Variants in NLRP7 observed in about 807,000 individuals in gnomAD.
The protein encoded by NLRP7 is NACHT, LRR and PYD domains-containing protein 7.
A neutral mutation model predicts 85.5 loss-of-function variants in NLRP7; 72 were observed. The observed-to-expected ratio is 0.84, with a 90% CI of 0.70 to 1.02. The LOEUF (loss-of-function observed/expected upper bound fraction) is 1.02, where lower values mean the gene tolerates loss of function less well. Among genes scored for constraint, NLRP7 ranks in the 50% least tolerant of loss-of-function variants. The pLI, the probability that NLRP7 is intolerant of heterozygous loss-of-function variation, is 0.00. For synonymous variants in NLRP7, 550 were observed against 505.2 expected (o/e 1.09, Z -1.19); for missense variants, 1,243 against 1,219.5 (o/e 1.02, Z -0.29).
chr19:54,961,043 T>A (rs2146286963), intron 1 of NLRP7, among the ~76,000 whole-genome samples: 1 of 152,150 alleles, frequency 6.6e-6, no homozygotes. Flanking sequence ...TTTGTTGCAC[T>A]GATGGAAATT....
At chr19:54,941,914 G>A (rs956748510) in intron 1 of NLRP7, among the ~76,000 whole-genome samples, 164 bp from the exon 2 acceptor site, 1 of 152,108 alleles carries the variant, frequency 6.6e-6, no homozygotes, top group African/African-American at 2.4e-5. Flanking sequence ...GGTGGCTCAC[G>A]CCTGCGGCCA....
At chr19:54,924,539 A>G (rs2068352675) in intron 9 of NLRP7, among the ~76,000 whole-genome samples, 1 of 152,116 alleles carries the variant, frequency 6.6e-6, no homozygotes, top group Non-Finnish European at 1.5e-5. Context: ...CAAGAGGATC[A>G]CTTGAGCCCA....
Position 54,930,557 on chromosome 19 carries a change from C to A in NLRP7, c.2752G>T (p.Gly918Ter). The A allele has an allele frequency of 1.9e-6, 3 of 1,612,792 alleles. No homozygotes were observed. In the South Asian group the frequency reaches 3.3e-5, roughly 18 times the overall value. The change falls in exon 9 of 10, where the codon GGA (glycine) becomes TGA (stop). Residue 918 changes from glycine to a stop codon, truncating the protein, a stop_gained. Coordinates refer to ENST00000340844, the Ensembl canonical transcript of NLRP7. LOFTEE classifies it high-confidence loss of function. ...AATGCCTGACAGAGAATCCACAATC[C>A]ACGAGCTATCTGGTTGATACTCAAG... is the stretch of plus-strand genomic sequence containing the variant.
At chr19:54,926,915 TTAAAA>T (rs148706918) in intron 9 of NLRP7, among the ~76,000 whole-genome samples, 39,801 of 130,648 alleles carry the variant, frequency 0.3, 6,560 homozygotes, top group East Asian at 0.5. Flanking sequence ...GACTCTGTCT[TTAAAA>T]AAAAAAAAAA....
chr19:54,926,072 T>A (rs1166899500), intron 9 of NLRP7, among the ~76,000 whole-genome samples: 6 of 147,896 alleles, frequency 4.1e-5, no homozygotes, highest in African/African-American at 9.9e-5. Context: ...CAAAAAAAAA[T>A]AAAAAATACA....
chr19:54,941,623 C>T lies in NLRP7; in HGVS notation c.89G>A (p.Trp30Ter). Reference sequence around the variant, plus strand: ...TAGCACGTCTTCGAGGGGAAAAGCCCATAAAAGGGATTTGAAACTCTTTAA... The same window carrying T: ...TAGCACGTCTTCGAGGGGAAAAGCCTATAAAAGGGATTTGAAACTCTTTAA... The change falls in exon 2 of 10, where the codon TGG (tryptophan) becomes TAG (stop). Residue 30 changes from tryptophan (W) to a stop codon, truncating the protein, a stop_gained. Coordinates refer to ENST00000340844, the Ensembl canonical transcript of NLRP7. LOFTEE classifies it high-confidence loss of function. 6.2e-7 allele frequency: 1 copy of T among 1,614,036 alleles called. No individual in the cohort carries two copies. Among genetic ancestry groups the T allele is most frequent in the African/African-American group, 1.3e-5 (1 of 74,980 alleles).
intron 1 of NLRP7, among the ~76,000 whole-genome samples, chr19:54,957,211 G>A (rs1342355773): frequency 6.6e-6 from 1 of 151,590 alleles, no homozygotes; most frequent in African/African-American, 2.4e-5. Flanking sequence ...AGTGGAGACT[G>A]GGTTTCACCC....
intron 9 of NLRP7, chr19:54,927,764 C>A: frequency 6.2e-7 from 1 of 1,613,850 alleles, no homozygotes; most frequent in Non-Finnish European, 8.5e-7. Context: ...CATGAGGGAG[C>A]AGCTCCAGAG....
exon 2 of NLRP7, chr19:54,941,701 G>A: frequency 6.2e-7 from 1 of 1,612,560 alleles, no homozygotes. Context: ...CTCTAGCTGG[G>A]GCGATGTCAT....
At position 54,934,387 on chromosome 19, in the gene NLRP7, G is replaced by T; in HGVS notation, c.2471+102C>A. The T allele has an allele frequency of 8.3e-7, 1 of 1,198,296 alleles. No homozygotes were observed. Among genetic ancestry groups the T allele is most frequent in the Non-Finnish European group, 1.2e-6 (1 of 800,822 alleles). 74.2% of individuals were successfully genotyped at this position (1,198,296 alleles called of 1,614,324 possible). On this transcript the variant is annotated intron_variant, in intron 7 of 9. Coordinates refer to ENST00000340844, the Ensembl canonical transcript of NLRP7. This position sits in a 1 kb window ranked among gnomAD's most constrained non-coding sequence, Gnocchi z 6.7. ...GGGCCTGAAGCAGGTGTTTATTTCA[G>T]CAAGAGGCGCCACGTGGGTGGCGCA...
chr19:54,931,985 A>G (rs1283698672), intron 8 of NLRP7, among the ~76,000 whole-genome samples: 1 of 152,054 alleles, frequency 6.6e-6, no homozygotes, highest in Non-Finnish European at 1.5e-5. Flanking sequence ...GCGTGGTTAG[A>G]TTATGGAAAT....
At chr19:54,959,141 CTT>C (rs74177888) in intron 1 of NLRP7, among the ~76,000 whole-genome samples, 19 of 134,608 alleles carry the variant, frequency 1.4e-4, no homozygotes, top group Non-Finnish European at 1.3e-4. Context: ...TTTTCTTTTT[CTT>C]TTTTTTTTTT....
At chr19:54,924,657 G>A (rs2068357562) in intron 9 of NLRP7, among the ~76,000 whole-genome samples, 1 of 151,810 alleles carries the variant, frequency 6.6e-6, no homozygotes, top group African/African-American at 2.4e-5. Flanking sequence ...TAATCAGGCT[G>A]GTGCACGGTG....
At chr19:54,936,078 G>A (rs2068910102) in intron 6 of NLRP7, among the ~76,000 whole-genome samples, 183 bp downstream of exon 6, 1 of 152,122 alleles carries the variant, frequency 6.6e-6, no homozygotes, top group Non-Finnish European at 1.5e-5. Context: ...AGCTGGTTAT[G>A]CAACACAGAA....
rs949784507 is a variant in NLRP7, at chr19:54,934,927, C to T, written c.2301-268G>A. ...GGCCACACTGGTCTTGAACTCCTGA[C>T]CTCAGGTGATCCACCCACCTTGGCC... is the stretch of plus-strand genomic sequence containing the variant. On this transcript the variant is annotated intron_variant, in intron 6 of 9. Coordinates refer to ENST00000340844, the Ensembl canonical transcript of NLRP7. The surrounding 1 kb of genome is among the most constrained non-coding windows in gnomAD (Gnocchi z 6.7). Among the ~76,000 whole-genome samples, 29 of 152,080 alleles carry T rather than the reference C, an allele frequency of 1.9e-4. No individual in the cohort carries two copies. The highest frequency in any genetic ancestry group is 6.8e-4 in the African/African-American group (28 of 41,426).
intron 1 of NLRP7, among the ~76,000 whole-genome samples, chr19:54,959,839 G>A (rs77477232): frequency 0.013 from 1,963 of 151,968 alleles, 50 homozygotes; most frequent in African/African-American, 0.043. Context: ...CAACTGCTCC[G>A]TTTTAGGTCC....
At chr19:54,956,234 G>A (rs2069849517) in intron 1 of NLRP7, among the ~76,000 whole-genome samples, 1 of 152,138 alleles carries the variant, frequency 6.6e-6, no homozygotes, top group African/African-American at 2.4e-5. Flanking sequence ...TCAGTCTTGT[G>A]GGACTCAGCC....
At chr19:54,926,916 T>TA (rs74177884) in intron 9 of NLRP7, among the ~76,000 whole-genome samples, 2,748 of 26,574 alleles carry the variant, frequency 0.1, 83 homozygotes, top group African/African-American at 0.21. Context: ...ACTCTGTCTT[T>TA]AAAAAAAAAA....
At chr19:54,963,466 G>T (rs1483068482) in intron 1 of NLRP7, among the ~76,000 whole-genome samples, 2 of 151,892 alleles carry the variant, frequency 1.3e-5, no homozygotes, top group Non-Finnish European at 2.9e-5. Context: ...GAGGCGGGCG[G>T]ATCACGAGGT....
Sources: allele counts gnomAD v4.1 joint callset (sites outside exome capture counted in the v4.1 genomes callset), GRCh38; gene constraint gnomAD v4.1.1; non-coding constraint Gnocchi (gnomAD v3.1); transcripts MANE v1.5; gene names NCBI Gene and HGNC (gene_info 2026-07-23, HGNC 2026-07-21).